Variants in AGRN observed in about 807,000 individuals in gnomAD.
AGRN encodes agrin proteoglycan.
A neutral mutation model predicts 211.0 loss-of-function variants in AGRN; 106 were observed. The ratio of observed to expected loss-of-function variants is 0.50; its 90% CI spans 0.43 to 0.59. The LOEUF is 0.59. Among genes scored for constraint, AGRN ranks in the 20% least tolerant of loss-of-function variants. The pLI, the probability that AGRN is intolerant of heterozygous loss-of-function variation, is 0.00. For missense variants in AGRN, 3,040 were observed against 2,982.6 expected, an observed-to-expected ratio of 1.02 and a Z score of -0.45; for synonymous variants, 1,525 against 1,332.5, an observed-to-expected ratio of 1.14 and a Z score of -3.15.
Position 1,048,256 on chromosome 1 carries a change from C to T in AGRN, c.3996C>T (p.Pro1332=), listed in dbSNP as rs1005103107. Residue 1332 remains proline (P), a synonymous_variant, in exon 23 of 36, where the codon CCC becomes CCT. Transcript: ENST00000379370. The surrounding 1 kb of genome is among the most constrained non-coding windows in gnomAD (Gnocchi z 5.9). ...RPPAPQQPPK[P]CDSQPCFHGG... ...CGGCCCCCCAGCAGCCTCCAAAGCC[C>T]TGTGACTCACAGCCCTGCTTCCACG... 2.6e-6 allele frequency: 4 copies of T among 1,540,416 alleles called. No individual in the cohort carries two copies. The Admixed American group carries it at 7.7e-5, about 30-fold the overall frequency.
Position 1,046,727 on chromosome 1 carries a change from G to A in AGRN, c.3242G>A (p.Gly1081Asp). The A allele has an allele frequency of 6.3e-7, 1 of 1,580,144 alleles. No individual in the cohort carries two copies. Residue 1081 changes from glycine (G) to aspartate (D), a missense_variant, in exon 18 of 36, where the codon GGC (glycine) becomes GAC (aspartate). Physicochemically the swap from Gly to Asp is moderately conservative, Grantham distance 94. Around this residue, in one of 3 missense-constraint regions of AGRN, gnomAD observed 1,537 missense variants for 1,505.0 expected, o/e 1.02. Transcript: ENST00000379370. ...GGGGACCAGGAGGCCAGTGGGGGTG[G>A]CTCTGGGGGTGAGCAGGGATCAAGG... is the stretch of plus-strand genomic sequence containing the variant. ...LSGDQEASGG[G>D]SGGLEPLEGS...
In AGRN at chr1:1,020,308, G is replaced by C; in HGVS notation, c.136G>C (p.Val46Leu). 3 of 1,483,090 alleles carry C rather than the reference G, an allele frequency of 2.0e-6. No homozygotes were observed. Among genetic ancestry groups the C allele is most frequent in the Non-Finnish European group, 2.7e-6 (3 of 1,115,688 alleles). The allele number at this position is 1,483,090 out of a possible 1,614,324, so 91.9% of individuals were successfully genotyped here. ...LERREEEANV[V>L]LTGTVEEILN... is the part of the protein sequence containing the mutation. ...GCGGCGCGAGGAGGAGGCGAACGTG[G>C]TGCTCACCGGGACGGTGGAGGAGAT... The change falls in exon 1 of 36, where the codon GTG becomes CTG. Residue 46 changes from valine to leucine, a missense_variant. By Grantham distance (32) the Val-to-Leu change is conservative. Coordinates refer to ENST00000379370, the MANE Select transcript of AGRN (RefSeq NM_198576.4).
At position 1,043,267 on chromosome 1, in the gene AGRN, G is replaced by A; in HGVS notation, c.1413G>A (p.Val471=). Residue 471 remains valine, a synonymous_variant, in exon 8 of 36, where the codon GTG becomes GTA. Transcript: ENST00000379370. ...AGGCCCCGTCCCCATGCCTCGGGGTGCAGTGTGCATTTGGGGCGACGTGTG... is the reference window on the plus strand; with the variant it reads ...AGGCCCCGTCCCCATGCCTCGGGGTACAGTGTGCATTTGGGGCGACGTGTG... ...CDQAPSPCLG[V]QCAFGATCAV... 3.1e-6 allele frequency: 5 copies of A among 1,610,836 alleles called. No individual in the cohort carries two copies. The highest frequency in any genetic ancestry group is 4.2e-6 in the Non-Finnish European group (5 of 1,179,220).
At chr1:1,030,505 GCAGCGCATGGTGC>G (rs1644641421) in intron 2 of AGRN, among the ~76,000 whole-genome samples, 1 of 100,722 alleles carries the variant, frequency 9.9e-6, no homozygotes, top group Non-Finnish European at 2.1e-5. Flanking sequence ...GCGTGTGTGT[GCAGCGCATGGTGC>G]TGTGTGAGAT....
chr1:1,042,832 C>T (rs1309467292), intron 7 of AGRN, among the ~76,000 whole-genome samples: 1 of 152,044 alleles, frequency 6.6e-6, no homozygotes, highest in African/African-American at 2.4e-5. Flanking sequence ...CACCTCCTCC[C>T]CCGTGCAGCC....
At position 1,051,598 on chromosome 1, in the gene AGRN, ATG is replaced by A. The variant is rs1174744999; in HGVS notation, c.5521_5522del (p.Cys1841ProfsTer29). The A allele has an allele frequency of 6.2e-7, 1 of 1,607,368 alleles. No homozygotes were observed. Among genetic ancestry groups the A allele is most frequent in the Admixed American group, 1.7e-5 (1 of 59,722 alleles). ...TCCTGCGTCCCGAGGGAGGCTGCCT[ATG>A]TGTGCCTGTGTCCCGGGGGATTCTC... On this transcript the variant is annotated frameshift_variant, in exon 32 of 36. Coordinates refer to ENST00000379370, the MANE Select transcript of AGRN (RefSeq NM_198576.4). LOFTEE classifies it high-confidence loss of function.
In AGRN at chr1:1,051,810, C is replaced by T. The variant is rs577578019; in HGVS notation, c.5646C>T (p.Thr1882=). 14 of 1,613,508 alleles carry T rather than the reference C, an allele frequency of 8.7e-6. No individual in the cohort carries two copies. The highest frequency in any genetic ancestry group is 2.2e-5 in the East Asian group (1 of 44,890). ...RTFVEYLNAV[T]ESEKALQSNH... ...TTGTCGAGTACCTCAACGCTGTGAC[C>T]GAGAGGTAACGTGCCATCCTCTGCT... The change falls in exon 33 of 36, where the codon ACC becomes ACT. Residue 1882 remains threonine (T), a synonymous_variant. Coordinates refer to ENST00000379370, the MANE Select transcript of AGRN (RefSeq NM_198576.4).
chr1:1,054,964 C>T lies in AGRN; in HGVS notation c.6121C>T (p.Pro2041Ser). The change falls in exon 36 of 36, where the codon CCC (proline) becomes TCC (serine). Residue 2041 changes from proline (P) to serine (S), a missense_variant. By Grantham distance (74) the Pro-to-Ser change is moderately conservative. This residue lies in a region of AGRN where 1,537 missense variants were observed against 1,505.0 expected (regional missense o/e 1.02). Coordinates refer to ENST00000379370, the MANE Select transcript of AGRN (RefSeq NM_198576.4). ...EDAVTKPELR[P>S]CPTP ...CGCCGTCACCAAGCCAGAGCTGCGG[C>T]CCTGCCCCACCCCATGAGCTGGCAC... 6.5e-7 allele frequency: 1 copy of T among 1,548,760 alleles called. No individual in the cohort carries two copies. Among genetic ancestry groups the T allele is most frequent in the Non-Finnish European group, 8.7e-7 (1 of 1,147,062 alleles).
chr1:1,029,670 CAT>C lies in AGRN; in HGVS notation c.464-5606_464-5605del, dbSNP rs1491365115. On this transcript the variant is annotated intron_variant, in intron 2 of 35. Coordinates refer to ENST00000379370, the MANE Select transcript of AGRN (RefSeq NM_198576.4). ...GCAGTGCATGGTGCTGTGAGATCAG[CAT>C]GTGTGTGTGTGTGTGCAGTGCATGG... 7.3e-4 allele frequency among the ~76,000 whole-genome samples: 13 copies of C among 17,812 alleles called. 1 individual carries two copies. The highest frequency in any genetic ancestry group is 8.9e-4 in the Non-Finnish European group (6 of 6,716). The allele number at this position is 17,812 out of a possible 152,430, so 11.7% of individuals were successfully genotyped here.
Position 1,049,077 on chromosome 1 carries a change from G to T in AGRN, c.4298+18G>T, listed in dbSNP as rs531723104. 1.4e-6 allele frequency: 2 copies of T among 1,475,254 alleles called. No individual in the cohort carries two copies. The highest frequency in any genetic ancestry group is 1.8e-6 in the Non-Finnish European group (2 of 1,111,680). The allele number at this position is 1,475,254 out of a possible 1,614,324, so 91.4% of individuals were successfully genotyped here. On this transcript the variant is annotated intron_variant, in intron 24 of 35. Coordinates refer to ENST00000379370, the MANE Select transcript of AGRN (RefSeq NM_198576.4). ...CAGCTCAGGTGGGCGGGGAGGGGAC[G>T]GGGCCGGGGCAGCTCAGGTGGGCGG...
intron 3 of AGRN, among the ~76,000 whole-genome samples, chr1:1,039,246 TGGG>T (rs1159951032): frequency 6.8e-6 from 1 of 147,820 alleles, no homozygotes; most frequent in Non-Finnish European, 1.5e-5. Flanking sequence ...AGGGATCTGG[TGGG>T]GGGAGCATGG....
rs1644768522 is a variant in AGRN at position 1,035,057 on chromosome 1, T to C, written c.464-220T>C. On this transcript the variant is annotated intron_variant, in intron 2 of 35. Coordinates refer to ENST00000379370, the MANE Select transcript of AGRN (RefSeq NM_198576.4). ...GCCCCATCTGACAGGGGTCAGGCCATGACTATTTGGCTGGAGGGGCAGAGA... is the reference window on the plus strand; with the variant it reads ...GCCCCATCTGACAGGGGTCAGGCCACGACTATTTGGCTGGAGGGGCAGAGA... The C allele has an allele frequency of 6.3e-6, 4 of 631,408 alleles. No individual in the cohort carries two copies. In the African/African-American group the frequency reaches 7.3e-5, roughly 11 times the overall value. The allele number at this position is 631,408 out of a possible 1,614,324, so 39.1% of individuals were successfully genotyped here. A position where few individuals can be genotyped will look rare whatever the true frequency, so the allele number is the denominator to read the frequency against.
At chr1:1,054,357 T>C (rs921374110) in intron 34 of AGRN, 91 bp from the exon 35 acceptor site, 29 of 1,233,038 alleles carry the variant, frequency 2.4e-5, no homozygotes, top group Non-Finnish European at 3.4e-5. Context: ...CTGAGGCACC[T>C]GCAGGGCATA....
chr1:1,044,201 T>C lies in AGRN; in HGVS notation c.2092T>C (p.Ser698Pro). ...GCGCGGTGGCATCTGGGACGAGGAC[T>C]CGGAGGACGGGCCGTGTGTCTGTGA... ...RQRGGIWDED[S>P]EDGPCVCDFS... The change falls in exon 11 of 36, where the codon TCG becomes CCG. Residue 698 changes from serine (S) to proline (P), a missense_variant. Ser to Pro is a moderately conservative substitution (Grantham distance 74, BLOSUM62 -1). Coordinates refer to ENST00000379370, the MANE Select transcript of AGRN (RefSeq NM_198576.4). 2 of 1,612,928 alleles carry C rather than the reference T, an allele frequency of 1.2e-6. No individual in the cohort carries two copies. Among genetic ancestry groups the C allele is most frequent in the Non-Finnish European group, 1.7e-6 (2 of 1,179,880 alleles).
Position 1,041,316 on chromosome 1 carries a change from G to T in AGRN, c.871G>T (p.Asp291Tyr). 1 of 1,522,042 alleles carries T rather than the reference G, an allele frequency of 6.6e-7. No individual in the cohort carries two copies. Among genetic ancestry groups the T allele is most frequent in the Non-Finnish European group, 8.8e-7 (1 of 1,141,190 alleles). 94.3% of individuals were successfully genotyped at this position (1,522,042 alleles called of 1,614,324 possible). Residue 291 changes from aspartate to tyrosine, a missense_variant, in exon 5 of 36, where the codon GAC becomes TAC. Physicochemically the swap from Asp to Tyr is radical, Grantham distance 160. Around this residue, in one of 3 missense-constraint regions of AGRN, gnomAD observed 1,498 missense variants for 1,457.8 expected, o/e 1.03. Transcript: ENST00000379370. ...GACCGTCTGCGGCAGCGACGGCGCC[G>T]ACTACCCCGGCGAGTGCCAGCTCCT... is the stretch of plus-strand genomic sequence containing the variant. ...EGTVCGSDGADYPGECQLLRR... is the reference protein window; with the variant it reads ...EGTVCGSDGAYYPGECQLLRR...
intron 27 of AGRN, 25 bp downstream of exon 27, chr1:1,050,062 C>G (rs571976305): frequency 5.3e-6 from 4 of 755,680 alleles, no homozygotes; most frequent in African/African-American, 4.6e-5. Flanking sequence ...GCTCTCGGGG[C>G]AGGGGGGGGG....
Position 1,048,961 on chromosome 1 carries a change from C to G in AGRN, c.4200C>G (p.Phe1400Leu), listed in dbSNP as rs1570237178. ...AYHTLRLALE[F>L]RALEPQGLLL... is the part of the protein sequence containing the mutation. ...ACACGCTGCGCCTGGCACTGGAATT[C>G]CGGGCGCTGGAGCCTCAGGGGCTGC... The change falls in exon 24 of 36, where the codon TTC (phenylalanine) becomes TTG (leucine). Residue 1400 changes from phenylalanine (F) to leucine (L), a missense_variant. Coordinates refer to ENST00000379370, the MANE Select transcript of AGRN (RefSeq NM_198576.4). The surrounding 1 kb of genome is among the most constrained non-coding windows in gnomAD (Gnocchi z 5.9). 1.9e-6 allele frequency: 3 copies of G among 1,571,870 alleles called. No individual in the cohort carries two copies. The highest frequency in any genetic ancestry group is 1.7e-6 in the Non-Finnish European group (2 of 1,160,166).
Position 1,020,200 on chromosome 1 carries a change from C to A in AGRN, c.28C>A (p.Leu10Met), listed in dbSNP as rs1226970553. 1.1e-5 allele frequency: 15 copies of A among 1,366,126 alleles called. No homozygotes were observed. The highest frequency in any genetic ancestry group is 1.7e-5 in the South Asian group (1 of 58,818). 84.6% of individuals were successfully genotyped at this position (1,366,126 alleles called of 1,614,324 possible). Residue 10 changes from leucine (L) to methionine (M), a missense_variant, in exon 1 of 36, where the codon CTG (leucine) becomes ATG (methionine). Transcript: ENST00000379370. MAGRSHPGP[L>M]RPLLPLLVVA... Reference sequence around the variant, plus strand: ...GGCCGGCCGGTCCCACCCGGGCCCGCTGCGGCCGCTGCTGCCGCTCCTTGT... The same window carrying A: ...GGCCGGCCGGTCCCACCCGGGCCCGATGCGGCCGCTGCTGCCGCTCCTTGT...
chr1:1,030,365 T>C (rs1251974709), intron 2 of AGRN, among the ~76,000 whole-genome samples: 1 of 128,834 alleles, frequency 7.8e-6, no homozygotes, highest in Non-Finnish European at 1.6e-5. Context: ...CATGGTGCTG[T>C]GTGAGATCAG....
Sources: allele counts gnomAD v4.1 joint callset (sites outside exome capture counted in the v4.1 genomes callset), GRCh38; gene constraint gnomAD v4.1.1; regional missense constraint gnomAD v4.1.1; non-coding constraint Gnocchi (gnomAD v3.1); transcripts MANE v1.5; gene names NCBI Gene and HGNC (gene_info 2026-07-23, HGNC 2026-07-21).